SPTSSB: variants seen among roughly 807,000 people sequenced by gnomAD.
SPTSSB encodes the protein serine palmitoyltransferase small subunit B, also known as androgen down regulated in mouse prostate.
In SPTSSB, 6 loss-of-function variants were observed where a neutral mutation model predicts 7.7. The observed-to-expected ratio is 0.78, with a 90% CI of 0.43 to 1.54. The LOEUF (loss-of-function observed/expected upper bound fraction) is 1.54, where lower values mean the gene tolerates loss of function less well. Among genes scored for constraint, SPTSSB ranks in the 40% most tolerant of loss-of-function variants. The pLI is 0.01. For synonymous variants in SPTSSB, 28 were observed against 29.7 expected, an observed-to-expected ratio of 0.94 and a Z score of 0.19; for missense variants, 91 against 93.0, an observed-to-expected ratio of 0.98 and a Z score of 0.09.
intron 2 of SPTSSB, among the ~76,000 whole-genome samples, chr3:161,352,955 A>T (rs1451086838): frequency 6.6e-6 from 1 of 152,196 alleles, no homozygotes; most frequent in African/African-American, 2.4e-5. Flanking sequence ...GTGAGTAATA[A>T]TTTAAGATTG....
chr3:161,360,197 C>T (rs1051527803), intron 1 of SPTSSB, among the ~76,000 whole-genome samples: 1 of 152,200 alleles, frequency 6.6e-6, no homozygotes, highest in Non-Finnish European at 1.5e-5. Context: ...GAACACCCCA[C>T]CTCACTTCTT....
At chr3:161,346,423 C>A in intron 2 of SPTSSB, 68 bp from the exon 3 acceptor site, 1 of 735,648 alleles carries the variant, frequency 1.4e-6, no homozygotes, top group Non-Finnish European at 2.3e-6. Flanking sequence ...ATTTCATGAT[C>A]TCAGCATGTT....
At chr3:161,358,172 C>T (rs890076997) in intron 2 of SPTSSB, among the ~76,000 whole-genome samples, 4 of 151,692 alleles carry the variant, frequency 2.6e-5, no homozygotes, top group African/African-American at 9.7e-5. Flanking sequence ...TGCACCACTG[C>T]CCCCGGCAGA....
chr3:161,369,589 CTTG>C (rs1008541677), intron 1 of SPTSSB, among the ~76,000 whole-genome samples: 4 of 151,654 alleles, frequency 2.6e-5, no homozygotes, highest in Admixed American at 6.6e-5. Context: ...GAGTTGTGTT[CTTG>C]TTGTTGAGTT....
chr3:161,346,180 A>G lies in SPTSSB; in HGVS notation c.144T>C (p.Thr48=), dbSNP rs187230682. Residue 48 remains threonine (T), a synonymous_variant, in exon 3 of 3, where the codon ACT becomes ACC. Coordinates refer to ENST00000620149, the MANE Select transcript of SPTSSB (RefSeq NM_001040100.2). ...LLTIIAMVVY[T]AYVFIPIHIR... is the part of the protein sequence containing the mutation. The stretch of plus-strand genomic sequence containing the variant: ...TGTGGATTGGAATAAAGACATAGGC[A>G]GTGTATACCACCATAGCAATAATGG... 14 of 1,612,656 alleles carry G rather than the reference A, an allele frequency of 8.7e-6. No homozygotes were observed. Among genetic ancestry groups the G allele is most frequent in the African/African-American group, 1.3e-5 (1 of 75,050 alleles).
chr3:161,368,449 C>T (rs55814004), intron 1 of SPTSSB, among the ~76,000 whole-genome samples: 14 of 146,584 alleles, frequency 9.6e-5, no homozygotes, highest in Admixed American at 8.1e-4. Context: ...TTTTTTGAGA[C>T]GGAGTCTCGC....
At chr3:161,350,278 G>T (rs530048640) in intron 2 of SPTSSB, among the ~76,000 whole-genome samples, 1 of 152,070 alleles carries the variant, frequency 6.6e-6, no homozygotes, top group African/African-American at 2.4e-5. Context: ...TGCAGAAGAC[G>T]TGATCAGTAG....
At chr3:161,370,074 TA>T (rs1715442744) in intron 1 of SPTSSB, among the ~76,000 whole-genome samples, 1 of 152,244 alleles carries the variant, frequency 6.6e-6, no homozygotes, top group South Asian at 2.1e-4. Flanking sequence ...TTTTTATGAA[TA>T]TTTTGTTTCT....
chr3:161,361,245 T>TA (rs1715004061), intron 1 of SPTSSB, among the ~76,000 whole-genome samples: 1 of 152,076 alleles, frequency 6.6e-6, no homozygotes, highest in Non-Finnish European at 1.5e-5. Context: ...GGAAAAACTT[T>TA]AAAAAATCAG....
chr3:161,358,125 C>T (rs1224041470), intron 2 of SPTSSB, among the ~76,000 whole-genome samples: 1 of 149,944 alleles, frequency 6.7e-6, no homozygotes, highest in Admixed American at 6.7e-5. Context: ...AGTGATCCTC[C>T]TCACTTCAGC....
chr3:161,360,811 T>C (rs1029489941), intron 1 of SPTSSB, among the ~76,000 whole-genome samples: 1 of 152,142 alleles, frequency 6.6e-6, no homozygotes, highest in South Asian at 2.1e-4. Context: ...AAAGATAAGA[T>C]TGGAGAAAAT....
chr3:161,355,300 G>C (rs1714719123), intron 2 of SPTSSB, among the ~76,000 whole-genome samples: 1 of 152,098 alleles, frequency 6.6e-6, no homozygotes, highest in Admixed American at 6.5e-5. Context: ...TGTTGCCAAG[G>C]GCTGCCAGGT....
chr3:161,347,700 T>A (rs989069347), intron 2 of SPTSSB, among the ~76,000 whole-genome samples: 1 of 151,958 alleles, frequency 6.6e-6, no homozygotes, highest in African/African-American at 2.4e-5. Context: ...GGTGAAACCC[T>A]GTCTGTACTA....
At chr3:161,359,933 G>A in intron 1 of SPTSSB, 39 bp from the exon 2 acceptor site, 1 of 309,976 alleles carries the variant, frequency 3.2e-6, no homozygotes, top group Non-Finnish European at 4.7e-6. Flanking sequence ...ACCAAAAGAT[G>A]TCTTCAAATT....
Position 161,346,177 on chromosome 3 carries a change from G to A in SPTSSB, c.147C>T (p.Ala49=). Residue 49 remains alanine, a synonymous_variant, in exon 3 of 3, where the codon GCC becomes GCT. Transcript: ENST00000620149. ...LTIIAMVVYT[A]YVFIPIHIRL... is the part of the protein sequence containing the mutation. ...GAATGTGGATTGGAATAAAGACATA[G>A]GCAGTGTATACCACCATAGCAATAA... 6.2e-7 allele frequency: 1 copy of A among 1,612,734 alleles called. No individual in the cohort carries two copies. Among genetic ancestry groups the A allele is most frequent in the Non-Finnish European group, 8.5e-7 (1 of 1,178,742 alleles).
intron 1 of SPTSSB, among the ~76,000 whole-genome samples, chr3:161,361,260 G>C (rs1715004371): frequency 6.6e-6 from 1 of 152,094 alleles, no homozygotes; most frequent in Non-Finnish European, 1.5e-5. Context: ...AATCAGAGCT[G>C]TCTAAAGGGG....
chr3:161,346,479 T>C (rs1714244539), intron 2 of SPTSSB, 124 bp from the exon 3 acceptor site: 2 of 510,354 alleles, frequency 3.9e-6, no homozygotes, highest in Non-Finnish European at 3.5e-6. Context: ...ATATTATTAA[T>C]ATATGAATAT....
intron 1 of SPTSSB, among the ~76,000 whole-genome samples, chr3:161,371,032 A>C (rs1366371084): frequency 1.3e-5 from 2 of 152,214 alleles, no homozygotes; most frequent in East Asian, 3.8e-4. Context: ...AAAGTACAGT[A>C]GTTTAAGTAG....
chr3:161,362,967 A>G lies in SPTSSB; in HGVS notation c.-125-3073T>C, dbSNP rs1715068820. ...GTATTATTTACAAATATATATATTT[A>G]TATCCACTAATATGTATGTATATCA... is the stretch of plus-strand genomic sequence containing the variant. On this transcript the variant is annotated intron_variant, in intron 1 of 2. Transcript: ENST00000620149. 2.6e-5 allele frequency among the ~76,000 whole-genome samples: 4 copies of G among 152,100 alleles called. No individual in the cohort carries two copies. The South Asian group carries it at 6.2e-4, about 24-fold the overall frequency.
Sources: gnomAD v4.1 joint callset for allele counts (sites outside exome capture counted in the v4.1 genomes callset) on GRCh38, gnomAD v4.1.1 for gene constraint, MANE v1.5 for transcripts, NCBI Gene and HGNC (gene_info 2026-07-23, HGNC 2026-07-21) for gene names.